HEPACAM2: variants seen among roughly 807,000 people sequenced by gnomAD.
The protein encoded by HEPACAM2 is mitotic kinetics regulator.
A neutral mutation model predicts 49.6 loss-of-function variants in HEPACAM2; 49 were observed. The ratio of observed to expected loss-of-function variants is 0.99; its 90% CI spans 0.78 to 1.25. The LOEUF (loss-of-function observed/expected upper bound fraction) is 1.25. Among genes scored for constraint, HEPACAM2 ranks in the 50% most tolerant of loss-of-function variants. HEPACAM2 has a pLI of 0.00. For missense variants in HEPACAM2, 525 were observed against 557.2 expected (o/e 0.94, Z 0.58); for synonymous variants, 197 against 202.9 (o/e 0.97, Z 0.25).
intron 4 of HEPACAM2, among the ~76,000 whole-genome samples, chr7:93,206,901 A>G (rs1426520289): frequency 1.3e-5 from 2 of 152,082 alleles, no homozygotes; most frequent in Non-Finnish European, 2.9e-5. Flanking sequence ...ATAATTCTTC[A>G]TGGCTCTTTA....
At position 93,224,522 on chromosome 7, in the gene HEPACAM2, C is replaced by T. The variant is rs182854931; in HGVS notation, c.79+1846G>A. Among the ~76,000 whole-genome samples, 304 of 152,134 alleles carry T rather than the reference C, an allele frequency of 2.0e-3. 1 individual carries two copies. The highest frequency in any genetic ancestry group is 1.6e-3 in the Non-Finnish European group (106 of 67,992). On this transcript the variant is annotated intron_variant, in intron 1 of 9. Coordinates refer to ENST00000394468, the MANE Select transcript of HEPACAM2 (RefSeq NM_001039372.4). The stretch of plus-strand genomic sequence containing the variant: ...ATAATACTAATCATAATCTGACATA[C>T]AAAATTGCAGCAATGATCCCTCCTT...
At chr7:93,215,730 A>G (rs776907753) in intron 2 of HEPACAM2, 45 bp from the exon 3 acceptor site, 3 of 1,578,344 alleles carry the variant, frequency 1.9e-6, no homozygotes, top group African/African-American at 2.7e-5. Flanking sequence ...TTTTCATGGA[A>G]ATATAATAAA....
At chr7:93,198,599 C>T (rs75787776) in intron 4 of HEPACAM2, among the ~76,000 whole-genome samples, 1,878 of 152,186 alleles carry the variant, frequency 0.012, 49 homozygotes, top group African/African-American at 0.043. Context: ...ATGAAAGTAA[C>T]AGATGTCTTC....
At chr7:93,228,723 G>T (rs543898756), upstream of HEPACAM2, among the ~76,000 whole-genome samples, 4 of 152,280 alleles carry the variant, frequency 2.6e-5, 1 homozygote, top group African/African-American at 9.6e-5. Context: ...TTTAAAATGA[G>T]AAGGCTGATT....
intron 8 of HEPACAM2, among the ~76,000 whole-genome samples, chr7:93,195,610 C>T (rs2116633853): frequency 6.6e-6 from 1 of 152,250 alleles, no homozygotes; most frequent in South Asian, 2.1e-4. Context: ...GCATAACTTC[C>T]TTATTTGTGT....
chr7:93,226,652 G>A, upstream of HEPACAM2: 1 of 398,666 alleles, frequency 2.5e-6, no homozygotes, highest in Non-Finnish European at 4.4e-6. Context: ...TTTCAGAAGA[G>A]TTTCTTAGCA....
Position 93,197,656 on chromosome 7 carries a change from A to C in HEPACAM2, c.1013-46T>G, listed in dbSNP as rs373885547. 3.5e-6 allele frequency: 5 copies of C among 1,417,740 alleles called. No individual in the cohort carries two copies. The South Asian group carries it at 7.0e-5, about 20-fold the overall frequency. The allele number at this position is 1,417,740 out of a possible 1,614,324, so 87.8% of individuals were successfully genotyped here. Reference sequence around the variant, plus strand: ...ATTTTTAGCAATAAATTGCTACAGTATATAACTTGACTTTTTAAATGCCGT... The same window carrying C: ...ATTTTTAGCAATAAATTGCTACAGTCTATAACTTGACTTTTTAAATGCCGT... On this transcript the variant is annotated intron_variant, in intron 4 of 9. Transcript: ENST00000394468.
At chr7:93,200,100 G>A (rs901492234) in intron 4 of HEPACAM2, among the ~76,000 whole-genome samples, 1 of 151,806 alleles carries the variant, frequency 6.6e-6, no homozygotes, top group Admixed American at 6.6e-5. Flanking sequence ...GTTGTTGTAT[G>A]TAGTATTTAT....
intron 4 of HEPACAM2, among the ~76,000 whole-genome samples, chr7:93,207,663 A>T (rs1433076444): frequency 6.6e-6 from 1 of 151,890 alleles, no homozygotes; most frequent in African/African-American, 2.4e-5. Context: ...TTTCTGTCTT[A>T]GGTTGGTAGT....
intron 9 of HEPACAM2, among the ~76,000 whole-genome samples, chr7:93,190,460 G>A (rs1793514861): frequency 6.6e-6 from 1 of 151,912 alleles, no homozygotes; most frequent in Non-Finnish European, 1.5e-5. Flanking sequence ...CTACATAGAT[G>A]AACTGACAAA....
chr7:93,194,003 A>G (rs1205226416), intron 8 of HEPACAM2, among the ~76,000 whole-genome samples: 1 of 152,076 alleles, frequency 6.6e-6, no homozygotes, highest in Non-Finnish European at 1.5e-5. Context: ...AGCACCTGCA[A>G]TGGCCAATTA....
chr7:93,232,205 A>G, the HEPACAM2 span: 1 of 450,938 alleles, frequency 2.2e-6, no homozygotes, highest in Admixed American at 3.7e-5. Flanking sequence ...CTGAGCAGTA[A>G]TATTTACCGG....
At position 93,195,915 on chromosome 7, in the gene HEPACAM2, C is replaced by T. The variant is rs747652015; in HGVS notation, c.1202-14G>A. 20 of 1,585,988 alleles carry T rather than the reference C, an allele frequency of 1.3e-5. No individual in the cohort carries two copies. The highest frequency in any genetic ancestry group is 2.2e-5 in the East Asian group (1 of 44,638). On this transcript the variant is annotated splice_polypyrimidine_tract_variant and intron_variant, in intron 7 of 9. Transcript: ENST00000394468. Reference sequence around the variant, plus strand: ...CATCTTCATGGCCTGAAATGTAAAACAAATACTGCTTACAAACCGAATGCC... The same window carrying T: ...CATCTTCATGGCCTGAAATGTAAAATAAATACTGCTTACAAACCGAATGCC...
At chr7:93,226,677 T>C (rs930086211), upstream of HEPACAM2, among the ~76,000 whole-genome samples, 3 of 152,148 alleles carry the variant, frequency 2.0e-5, no homozygotes, top group African/African-American at 7.2e-5. Context: ...CCAGTAATTG[T>C]CTATATATTT....
intron 8 of HEPACAM2, among the ~76,000 whole-genome samples, chr7:93,195,412 G>A (rs2116633360): frequency 6.6e-6 from 1 of 151,976 alleles, no homozygotes; most frequent in Non-Finnish European, 1.5e-5. Flanking sequence ...TATTTGTTGG[G>A]ATGGGGTCTT....
intron 3 of HEPACAM2, among the ~76,000 whole-genome samples, chr7:93,212,647 T>TTC (rs963790150): frequency 1.3e-5 from 2 of 151,994 alleles, no homozygotes; most frequent in Non-Finnish European, 2.9e-5. Context: ...ATGCATCTTT[T>TTC]TCTCTCTCTC....
At chr7:93,206,351 G>T (rs926103097) in intron 4 of HEPACAM2, among the ~76,000 whole-genome samples, 8 of 152,116 alleles carry the variant, frequency 5.3e-5, no homozygotes, top group Non-Finnish European at 1.2e-4. Context: ...ACTCATGTTA[G>T]ATTGTGAGCA....
chr7:93,216,393 G>T (rs1190104902), intron 2 of HEPACAM2, among the ~76,000 whole-genome samples: 3 of 152,060 alleles, frequency 2.0e-5, no homozygotes, highest in Non-Finnish European at 4.4e-5. Flanking sequence ...ATACAAATCC[G>T]ATAGAAATTC....
intron 3 of HEPACAM2, among the ~76,000 whole-genome samples, chr7:93,213,971 C>T (rs1562830984): frequency 6.6e-6 from 1 of 152,124 alleles, no homozygotes; most frequent in Non-Finnish European, 1.5e-5. Context: ...GCCACATCCA[C>T]AGATAGGATA....
Sources: allele counts gnomAD v4.1 joint callset (sites outside exome capture counted in the v4.1 genomes callset), GRCh38; gene constraint gnomAD v4.1.1; transcripts MANE v1.5; gene names NCBI Gene and HGNC (gene_info 2026-07-23, HGNC 2026-07-21).